The following NEB variants were observed in gnomAD, a reference collection of about 807,000 sequenced individuals.
NEB encodes the protein nebulin.
In NEB, 512 loss-of-function variants were observed where a neutral mutation model predicts 952.2. The ratio of observed to expected loss-of-function variants is 0.54; its 90% CI spans 0.50 to 0.58. The LOEUF (loss-of-function observed/expected upper bound fraction) is 0.58, where lower values mean the gene tolerates loss of function less well. Ranked by LOEUF, NEB falls within the 20% of genes least tolerant of loss-of-function variation. The pLI is 0.00. For missense variants in NEB, 8,428 were observed against 9,231.1 expected (o/e 0.91, Z 3.56); for synonymous variants, 2,900 against 3,149.8 (o/e 0.92, Z 2.66).
chr2:151,725,041 G>A (rs1383128707), intron 6 of NEB, 80 bp from the exon 7 acceptor site: 1 of 1,052,324 alleles, frequency 9.5e-7, no homozygotes, highest in South Asian at 1.3e-5. Context: ...TAACCACAGA[G>A]CATTACCCCA....
intron 128 of NEB, 143 bp downstream of exon 128, chr2:151,552,529 T>C (rs750205781): frequency 8.4e-6 from 5 of 591,748 alleles, no homozygotes; most frequent in Non-Finnish European, 1.5e-5. Flanking sequence ...GCCAGCAGCA[T>C]CTTCAGTGCT....
intron 165 of NEB, among the ~76,000 whole-genome samples, chr2:151,504,350 A>C (rs138566719): frequency 1.2e-4 from 19 of 152,328 alleles, no homozygotes; most frequent in Non-Finnish European, 4.4e-5. Context: ...TCACCCAACA[A>C]AGCAGCAGAA....
Position 151,663,934 on chromosome 2 carries a change from C to T in NEB, c.5452-75G>A, listed in dbSNP as rs534694376. 3.4e-5 allele frequency: 49 copies of T among 1,451,584 alleles called. 1 individual carries two copies. The highest frequency in any genetic ancestry group is 5.3e-5 in the South Asian group (4 of 76,124). The allele number at this position is 1,451,584 out of a possible 1,614,324, so 89.9% of individuals were successfully genotyped here. Reference sequence around the variant, plus strand: ...AGTACCATTTGCTAGGTGATGTGAGCTTTGTCTTAGATGAAGGGTTTTAGA... The same window carrying T: ...AGTACCATTTGCTAGGTGATGTGAGTTTTGTCTTAGATGAAGGGTTTTAGA... On this transcript the variant is annotated intron_variant, in intron 44 of 181. Transcript: ENST00000397345.
intron 25 of NEB, 72 bp downstream of exon 25, chr2:151,688,220 G>T (rs561041344): frequency 3.2e-6 from 4 of 1,254,636 alleles, no homozygotes; most frequent in African/African-American, 1.5e-5. Flanking sequence ...TCCTTGTCTT[G>T]TCTTTTAAAA....
At chr2:151,609,690 G>T (rs2097868342) in intron 81 of NEB, 119 bp downstream of exon 81, 2 of 864,658 alleles carry the variant, frequency 2.3e-6, no homozygotes. Flanking sequence ...GGTACCCCCA[G>T]CCCCACCCCC....
At chr2:151,564,872 G>A (rs557061052) in intron 117 of NEB, among the ~76,000 whole-genome samples, 172 bp downstream of exon 117, 18 of 152,256 alleles carry the variant, frequency 1.2e-4, no homozygotes, top group Middle Eastern at 3.4e-3. Flanking sequence ...CTGAATAAAC[G>A]CTATTTGCCT....
chr2:151,553,984 G>C lies in NEB; in HGVS notation c.19470C>G (p.Ile6490Met). ...TCTCTACCATGTCGGGCACGATGTG[G>C]ATTTTCATCTTGTTCTTTTCATAAA... Reference protein sequence around the residue: ...RSVYEKNKMKIHIVPDMVEMV... With the variant: ...RSVYEKNKMKMHIVPDMVEMV... Residue 6490 changes from isoleucine to methionine, a missense_variant, in exon 126 of 182, where the codon ATC (isoleucine) becomes ATG (methionine). Transcript: ENST00000397345. 1 of 1,613,830 alleles carries C rather than the reference G, an allele frequency of 6.2e-7. No homozygotes were observed. Among genetic ancestry groups the C allele is most frequent in the Non-Finnish European group, 8.5e-7 (1 of 1,179,778 alleles).
intron 54 of NEB, among the ~76,000 whole-genome samples, chr2:151,646,800 C>A (rs1397428912): frequency 6.6e-6 from 1 of 152,158 alleles, no homozygotes; most frequent in South Asian, 2.1e-4. Context: ...CAGGCATGTG[C>A]CACCATACCC....
Position 151,701,261 on chromosome 2 carries a change from T to G in NEB, c.1153-3613A>C, listed in dbSNP as rs1238654444. Among the ~76,000 whole-genome samples the G allele has an allele frequency of 3.4e-3, 513 of 150,190 alleles. 2 individuals carry two copies. The highest frequency in any genetic ancestry group is 0.012 in the African/African-American group (475 of 40,666). On this transcript the variant is annotated intron_variant, in intron 13 of 181. Transcript: ENST00000397345. ...GCTTTTTGATGTGCTGCTGGATTCG[T>G]TTTGCCAGTAGTTTATTGAGGATTT...
chr2:151,559,246 A>C (rs190067734), intron 124 of NEB, among the ~76,000 whole-genome samples: 9 of 152,362 alleles, frequency 5.9e-5, no homozygotes, highest in Admixed American at 5.2e-4. Context: ...ATGAGATACC[A>C]TCTCACGCCA....
rs1358269804 is a variant in NEB, at chr2:151,620,343, GTGTGTATA to G, written c.10560+568_10560+575del. Among the ~76,000 whole-genome samples the G allele has an allele frequency of 2.9e-3, 144 of 48,866 alleles. 1 individual carries two copies. The highest frequency in any genetic ancestry group is 0.011 in the Middle Eastern group (1 of 94). The allele number at this position is 48,866 out of a possible 152,430, so 32.1% of individuals were successfully genotyped here. On this transcript the variant is annotated intron_variant, in intron 72 of 181. Coordinates refer to ENST00000397345, the MANE Select transcript of NEB (RefSeq NM_001164508.2). Reference sequence around the variant, plus strand: ...AATTTTATTATATATATATGTATGTGTGTGTATATATATATATATATATATATATATAT... The same window carrying G: ...AATTTTATTATATATATATGTATGTGTATATATATATATATATATATATAT...
At chr2:151,631,091 TATA>T in intron 66 of NEB, 49 bp downstream of exon 66, 1 of 1,601,374 alleles carries the variant, frequency 6.2e-7, no homozygotes, top group Non-Finnish European at 8.5e-7. Context: ...GTCATTAAAG[TATA>T]ATAACATCTT....
At chr2:151,621,510 C>T (rs1419805637) in intron 71 of NEB, among the ~76,000 whole-genome samples, 4 of 152,182 alleles carry the variant, frequency 2.6e-5, no homozygotes, top group African/African-American at 9.7e-5. Flanking sequence ...TGTTGATTTG[C>T]TCCCTATTAT....
chr2:151,658,118 T>A (rs1433708065), intron 47 of NEB, 28 bp from the exon 48 acceptor site: 1 of 1,445,360 alleles, frequency 6.9e-7, no homozygotes, highest in Admixed American at 1.9e-5. Context: ...GGGAAGAGTT[T>A]TCTTCTAAAT....
rs750186349 is a variant in NEB, at chr2:151,692,166, C to T, written c.1999G>A (p.Ala667Thr). ...TTTACATATAAGTCTTTATATCTAGCCTGAAAAATAAAACAAATGTAATTC... is the reference window on the plus strand; with the variant it reads ...TTTACATATAAGTCTTTATATCTAGTCTGAAAAATAAAACAAATGTAATTC... ...LDTQLKNFSE[A>T]RYKDLYVKDV... is the part of the protein sequence containing the mutation. The change falls in exon 22 of 182, where the codon GCT becomes ACT. Residue 667 changes from alanine (A) to threonine (T), a missense_variant and splice_region_variant. Coordinates refer to ENST00000397345, the MANE Select transcript of NEB (RefSeq NM_001164508.2). 34 of 1,611,770 alleles carry T rather than the reference C, an allele frequency of 2.1e-5. No individual in the cohort carries two copies. The highest frequency in any genetic ancestry group is 2.7e-5 in the Non-Finnish European group (32 of 1,177,976).
At chr2:151,660,279 C>G (rs534115160) in intron 46 of NEB, among the ~76,000 whole-genome samples, 2 of 152,130 alleles carry the variant, frequency 1.3e-5, no homozygotes, top group Non-Finnish European at 2.9e-5. Flanking sequence ...AGACTAGGAT[C>G]CCTAAAAAAT....
chr2:151,563,458 G>C, intron 119 of NEB, 148 bp downstream of exon 119: 4 of 708,590 alleles, frequency 5.6e-6, no homozygotes. Flanking sequence ...TCCACAGGCT[G>C]ACTTGGAGGG....
intron 78 of NEB, among the ~76,000 whole-genome samples, chr2:151,611,756 C>A (rs140283704): frequency 3.9e-5 from 6 of 152,280 alleles, no homozygotes; most frequent in Non-Finnish European, 5.9e-5. Flanking sequence ...CCTGAGCAAC[C>A]AATTTGAATG....
chr2:151,492,841 G>C (rs751944054), intron 176 of NEB: 17 of 190,466 alleles, frequency 8.9e-5, no homozygotes, highest in Non-Finnish European at 1.8e-4. Context: ...GAATTTGAAA[G>C]AACTGTCCTT....
Sources: gnomAD v4.1 joint callset for allele counts (sites outside exome capture counted in the v4.1 genomes callset) on GRCh38, gnomAD v4.1.1 for gene constraint, MANE v1.5 for transcripts, NCBI Gene and HGNC (gene_info 2026-07-23, HGNC 2026-07-21) for gene names.